Variants in CABP5 observed in about 807,000 individuals in gnomAD.
CABP5 encodes calcium-binding protein 5.
A neutral mutation model predicts 21.9 loss-of-function variants in CABP5; 17 were observed. The ratio of observed to expected loss-of-function variants is 0.78; its 90% confidence interval spans 0.53 to 1.17. The LOEUF is 1.17. Among genes scored for constraint, CABP5 ranks in the 50% most tolerant of loss-of-function variants. CABP5 has a pLI of 0.00. For synonymous variants in CABP5, 85 were observed against 79.4 expected, an observed-to-expected ratio of 1.07 and a Z score of -0.37; for missense variants, 229 against 228.9, an observed-to-expected ratio of 1.00 and a Z score of 0.00.
intron 4 of CABP5, among the ~76,000 whole-genome samples, chr19:48,035,803 A>C (rs1967401492): frequency 6.6e-6 from 1 of 152,242 alleles, no homozygotes; most frequent in Non-Finnish European, 1.5e-5. Flanking sequence ...TCAGTGTTGC[A>C]GAAGGCAGGG....
rs8105198 is a variant in CABP5, at chr19:48,040,605, G to T, written c.238C>A (p.Leu80Met). 1.9e-6 allele frequency: 3 copies of T among 1,613,624 alleles called. No homozygotes were observed. Among genetic ancestry groups the T allele is most frequent in the African/African-American group, 2.7e-5 (2 of 74,914 alleles). ...IELGQQIRMN[L>M]GGRVDFDDFV... Reference sequence around the variant, plus strand: ...CATCCCTCCCATTCCCTGGACTCACGGTTCATGCGGATTTGCTGGCCGAGC... The same window carrying T: ...CATCCCTCCCATTCCCTGGACTCACTGTTCATGCGGATTTGCTGGCCGAGC... Residue 80 changes from leucine (L) to methionine (M), a missense_variant and splice_region_variant, in exon 3 of 6, where the codon CTG becomes ATG. By Grantham distance (15) the Leu-to-Met change is conservative (BLOSUM62 2). Transcript: ENST00000293255.
intron 1 of CABP5, among the ~76,000 whole-genome samples, chr19:48,043,622 C>T (rs1233006747): frequency 1.2e-5 from 1 of 86,364 alleles, no homozygotes; most frequent in Non-Finnish European, 2.5e-5. Context: ...TTTCCCTTTT[C>T]ATTTTTCTTC....
chr19:48,043,931 G>C lies in CABP5; in HGVS notation c.-9C>G. 6.6e-7 allele frequency: 1 copy of C among 1,508,096 alleles called. No homozygotes were observed. The highest frequency in any genetic ancestry group is 8.8e-7 in the Non-Finnish European group (1 of 1,134,710). 93.4% of individuals were successfully genotyped at this position (1,508,096 alleles called of 1,614,324 possible). ...CCCATGGGGAACTGCATGGAGGGGT[G>C]GGGTGGAGCTCGCAGGGCACCAGTC... On this transcript the variant is annotated 5_prime_UTR_variant, in exon 1 of 6. Coordinates refer to ENST00000293255, the MANE Select transcript of CABP5 (RefSeq NM_019855.5).
Position 48,039,807 on chromosome 19 carries a change from G to T in CABP5, c.239-490C>A, listed in dbSNP as rs756907490. ...CGGCTCACTGCAACCTCTGCCTCCC[G>T]GGTTCAAGCGATTCTCGTACCTTAG... On this transcript the variant is annotated intron_variant, in intron 3 of 5. Transcript: ENST00000293255. Among the ~76,000 whole-genome samples the T allele has an allele frequency of 2.3e-5, 3 of 129,456 alleles. No individual in the cohort carries two copies. The Admixed American group carries it at 2.9e-4, about 12-fold the overall frequency. The allele number at this position is 129,456 out of a possible 152,430, so 84.9% of individuals were successfully genotyped here. A position where few individuals can be genotyped will look rare whatever the true frequency, so the allele number is the denominator to read the frequency against.
At chr19:48,040,584 C>G (rs760323529) in intron 3 of CABP5, 21 bp downstream of exon 3, 3 of 1,613,330 alleles carry the variant, frequency 1.9e-6, no homozygotes, top group Non-Finnish European at 2.5e-6. Context: ...CCCGGCCATC[C>G]CTCCCATTCC....
intron 1 of CABP5, among the ~76,000 whole-genome samples, chr19:48,043,193 T>C (rs1568415174): frequency 6.6e-6 from 1 of 151,544 alleles, no homozygotes; most frequent in Non-Finnish European, 1.5e-5. Flanking sequence ...GTATTTTTAG[T>C]AGAGATGGGG....
At chr19:48,038,525 G>T (rs1967439487) in intron 4 of CABP5, among the ~76,000 whole-genome samples, 1 of 152,004 alleles carries the variant, frequency 6.6e-6, no homozygotes, top group Non-Finnish European at 1.5e-5. Context: ...CCTGTTACAG[G>T]CACTAAGAAT....
intron 5 of CABP5, among the ~76,000 whole-genome samples, chr19:48,032,534 G>T (rs1302571494): frequency 6.6e-6 from 1 of 151,840 alleles, no homozygotes; most frequent in Non-Finnish European, 1.5e-5. Flanking sequence ...TCACGGTGTT[G>T]CCCAGTCTGG....
chr19:48,030,392 C>A lies in CABP5; in HGVS notation c.*165G>T. On this transcript the variant is annotated 3_prime_UTR_variant, in exon 6 of 6. Coordinates refer to ENST00000293255, the MANE Select transcript of CABP5 (RefSeq NM_019855.5). ...GACGCCCCCATCCTGGCAAAGATAC[C>A]GCTCTGGGTCTCACCCCATGCACAG... is the stretch of plus-strand genomic sequence containing the variant. The A allele has an allele frequency of 3.4e-6, 2 of 587,092 alleles. No homozygotes were observed. The allele number at this position is 587,092 out of a possible 1,614,324, so 36.4% of individuals were successfully genotyped here. A position where few individuals can be genotyped will look rare whatever the true frequency, so the allele number is the denominator to read the frequency against.
In CABP5 at chr19:48,030,318, C is replaced by T. The variant is rs558494584; in HGVS notation, c.*239G>A. 15 of 460,518 alleles carry T rather than the reference C, an allele frequency of 3.3e-5. No homozygotes were observed. In the South Asian group the frequency reaches 4.9e-4, roughly 15 times the overall value. 28.5% of individuals were successfully genotyped at this position (460,518 alleles called of 1,614,324 possible). ...TGGGGGTGGCAACTGGACCCTCCCA[C>T]GCTTCCTATTTCCATCCACAGACTC... is the stretch of plus-strand genomic sequence containing the variant. On this transcript the variant is annotated 3_prime_UTR_variant, in exon 6 of 6. Transcript: ENST00000293255.
rs1224439008 is a variant in CABP5, at chr19:48,029,828, G to GAGAGAGAGAGAGAC, written c.*728_*729insGTCTCTCTCTCTCT. ...AGAGAGAGAGAGAGAGAGAGAGAGA[G>GAGAGAGAGAGAGAC]AGAGAGAGAAACCAGACAGTGCTTC... is the stretch of plus-strand genomic sequence containing the variant. On this transcript the variant is annotated 3_prime_UTR_variant, in exon 6 of 6. Coordinates refer to ENST00000293255, the MANE Select transcript of CABP5 (RefSeq NM_019855.5). 177 of 150,476 alleles carry GAGAGAGAGAGAGAC rather than the reference G, an allele frequency of 1.2e-3. 1 individual carries two copies. Among genetic ancestry groups the GAGAGAGAGAGAGAC allele is most frequent in the African/African-American group, 4.2e-3 (171 of 40,350 alleles). 9.3% of individuals were successfully genotyped at this position (150,476 alleles called of 1,614,324 possible).
intron 2 of CABP5, among the ~76,000 whole-genome samples, chr19:48,041,087 A>G (rs112270137): frequency 0.095 from 14,403 of 152,072 alleles, 702 homozygotes; most frequent in South Asian, 0.13. Context: ...TGCCTCAGCC[A>G]AGGCAGAAGA....
In CABP5 at chr19:48,029,786, GAGAC is replaced by G. The variant is rs879686743; in HGVS notation, c.*767_*770del. ...AGGAAGGGATGTGGGAGGGGAGACA[GAGAC>G]AGACAGACAGAGAGAGAGAGAGAGA... On this transcript the variant is annotated 3_prime_UTR_variant, in exon 6 of 6. Transcript: ENST00000293255. 7.3e-3 allele frequency among the ~76,000 whole-genome samples: 1,021 copies of G among 140,036 alleles called. 14 individuals carry two copies. Among genetic ancestry groups the G allele is most frequent in the Non-Finnish European group, 0.011 (710 of 65,426 alleles). 91.9% of individuals were successfully genotyped at this position (140,036 alleles called of 152,430 possible).
At chr19:48,030,613 G>T in intron 5 of CABP5, 31 bp from the exon 6 acceptor site, 2 of 1,608,354 alleles carry the variant, frequency 1.2e-6, no homozygotes, top group Non-Finnish European at 1.7e-6. Context: ...CCCCAGTAAG[G>T]CATCTCGTTG....
At chr19:48,043,679 C>T (rs1967513107) in intron 1 of CABP5, among the ~76,000 whole-genome samples, 181 bp downstream of exon 1, 1 of 150,304 alleles carries the variant, frequency 6.7e-6, no homozygotes, top group Admixed American at 6.7e-5. Flanking sequence ...TTACCCCCAC[C>T]CATTTATCTC....
Position 48,034,329 on chromosome 19 carries a change from C to T in CABP5, c.382G>A (p.Val128Met). The change falls in exon 5 of 6, where the codon GTG (valine) becomes ATG (methionine). Residue 128 changes from valine to methionine, a missense_variant. Val to Met is a conservative substitution (Grantham distance 21). Coordinates refer to ENST00000293255, the MANE Select transcript of CABP5 (RefSeq NM_019855.5). ...CTCTGCATGGCCTGCTGTAGCTCCA[C>T]CAGGGTGATCTCCCCATCTCCATTC... is the stretch of plus-strand genomic sequence containing the variant. ...DTNGDGEITL[V>M]ELQQAMQRLL... The T allele has an allele frequency of 6.3e-7, 1 of 1,597,252 alleles. No individual in the cohort carries two copies. Among genetic ancestry groups the T allele is most frequent in the Non-Finnish European group, 8.5e-7 (1 of 1,172,440 alleles).
intron 4 of CABP5, among the ~76,000 whole-genome samples, chr19:48,037,272 T>C (rs1423436465): frequency 7.7e-6 from 1 of 129,512 alleles, no homozygotes; most frequent in African/African-American, 2.8e-5. Flanking sequence ...TTTTTTTTTT[T>C]TTTTTTTTTT....
intron 3 of CABP5, 31 bp downstream of exon 3, chr19:48,040,574 C>T (rs1473339024): frequency 5.0e-6 from 8 of 1,612,870 alleles, no homozygotes; most frequent in East Asian, 2.2e-5. Context: ...CTTCCCTAAC[C>T]CCGGCCATCC....
At chr19:48,034,183 C>T in intron 5 of CABP5, 32 bp downstream of exon 5, 1 of 1,498,038 alleles carries the variant, frequency 6.7e-7, no homozygotes, top group Non-Finnish European at 8.9e-7. Context: ...CGGTGGCTGC[C>T]CCCGCTCCCC....
Sources: gnomAD v4.1 joint callset for allele counts (sites outside exome capture counted in the v4.1 genomes callset) on GRCh38, gnomAD v4.1.1 for gene constraint, MANE v1.5 for transcripts, NCBI Gene and HGNC (gene_info 2026-07-23, HGNC 2026-07-21) for gene names.